The following RPH3AL variants were observed in gnomAD, a reference collection of about 807,000 sequenced individuals.
RPH3AL encodes rabphilin 3A like (without C2 domains).
In RPH3AL, 38 loss-of-function variants were observed where a neutral mutation model predicts 43.1. The ratio of observed to expected loss-of-function variants is 0.88; its 90% CI spans 0.68 to 1.15. The LOEUF is 1.15. Ranked by LOEUF, RPH3AL falls within the 50% of genes most tolerant of loss-of-function variation. The pLI is 0.00. For missense variants in RPH3AL, 462 were observed against 423.2 expected (o/e 1.09, Z -0.81); for synonymous variants, 189 against 176.3 (o/e 1.07, Z -0.57).
chr17:271,075 C>A (rs1378777846), intron 6 of RPH3AL, among the ~76,000 whole-genome samples: 1 of 152,138 alleles, frequency 6.6e-6, no homozygotes, highest in East Asian at 1.9e-4. Context: ...TGTCAAAGAT[C>A]AGATGGTTGT....
rs1016662646 is a variant in RPH3AL at position 328,230 on chromosome 17, G to A, written c.-36-651C>T. 4.0e-5 allele frequency among the ~76,000 whole-genome samples: 6 copies of A among 151,818 alleles called. No individual in the cohort carries two copies. In the East Asian group the frequency reaches 1.2e-3, roughly 29 times the overall value. ...GTGGCCCTGCTCCAGGACCCCCTGA[G>A]GGCTTCACCTGTGCACTGTCTAGTG... On this transcript the variant is annotated intron_variant, in intron 2 of 9. Coordinates refer to ENST00000331302, the MANE Select transcript of RPH3AL (RefSeq NM_006987.4). The surrounding 1 kb of genome is among the most constrained non-coding windows in gnomAD (Gnocchi z 4.2).
At chr17:315,638 A>T (rs76472648) in intron 5 of RPH3AL, among the ~76,000 whole-genome samples, 3 of 30,820 alleles carry the variant, frequency 9.7e-5, no homozygotes, top group South Asian at 1.4e-3. Flanking sequence ...ACCTCCACTG[A>T]CCTGTAGTCC....
intron 6 of RPH3AL, among the ~76,000 whole-genome samples, chr17:270,103 C>T (rs143855274): frequency 6.6e-6 from 1 of 152,182 alleles, no homozygotes; most frequent in South Asian, 2.1e-4. Context: ...TATGACCATC[C>T]GGGTCCCCCA....
At chr17:325,394 C>G (rs965706580) in intron 3 of RPH3AL, among the ~76,000 whole-genome samples, 4 of 152,176 alleles carry the variant, frequency 2.6e-5, no homozygotes, top group African/African-American at 9.7e-5. Flanking sequence ...CTCCATCTTC[C>G]TTCCACACTG....
chr17:235,453 G>C (rs1301927761), intron 7 of RPH3AL, among the ~76,000 whole-genome samples: 2 of 139,328 alleles, frequency 1.4e-5, no homozygotes, highest in African/African-American at 2.7e-5. Context: ...AGGGATGCAG[G>C]GTTCAAAGCT....
At chr17:325,252 T>C (rs1489000895) in intron 3 of RPH3AL, among the ~76,000 whole-genome samples, 1 of 152,132 alleles carries the variant, frequency 6.6e-6, no homozygotes, top group Non-Finnish European at 1.5e-5. Flanking sequence ...ACTCTCAGAG[T>C]TCCTGGAAGG....
intron 2 of RPH3AL, chr17:330,868 A>G (rs1195532184): frequency 1.4e-5 from 2 of 139,104 alleles, no homozygotes; most frequent in Non-Finnish European, 3.1e-5. Flanking sequence ...AGAGCGAGAC[A>G]TAATCTCAAA....
intron 7 of RPH3AL, among the ~76,000 whole-genome samples, chr17:224,879 G>C (rs1273045204): frequency 1.3e-5 from 2 of 149,764 alleles, no homozygotes; most frequent in African/African-American, 4.9e-5. Flanking sequence ...AAACCAAACA[G>C]TGCATGTTCT....
At chr17:301,927 G>C (rs1280690366) in intron 5 of RPH3AL, among the ~76,000 whole-genome samples, 1 of 152,164 alleles carries the variant, frequency 6.6e-6, no homozygotes, top group African/African-American at 2.4e-5. Flanking sequence ...CATCTCCTGG[G>C]GGCCATGAGG....
chr17:307,478 A>C lies in RPH3AL; in HGVS notation c.351+11942T>G, dbSNP rs867440529. On this transcript the variant is annotated intron_variant, in intron 5 of 9. Transcript: ENST00000331302. ...TGCCCCACGCTCATCCCTGCCTTCT[A>C]CTTCTACAGCACTCCTCACACTGCA... Among the ~76,000 whole-genome samples the C allele has an allele frequency of 7.2e-5, 11 of 152,040 alleles. 1 individual carries two copies. The highest frequency in any genetic ancestry group is 3.9e-4 in the Admixed American group (6 of 15,256).
intron 2 of RPH3AL, chr17:331,683 T>C (rs12953074): frequency 0.87 from 1,125,179 of 1,287,372 alleles, 492,910 homozygotes; most frequent in East Asian, 0.93. Context: ...GAGGGCCTCA[T>C]CAGCCGACCC....
chr17:315,355 C>A (rs2043954562), intron 5 of RPH3AL, among the ~76,000 whole-genome samples: 2 of 152,248 alleles, frequency 1.3e-5, no homozygotes, highest in African/African-American at 4.8e-5. Context: ...TGTGACTCCA[C>A]TTCCACTGAC....
chr17:244,026 C>T (rs1040665531), intron 7 of RPH3AL, among the ~76,000 whole-genome samples: 11 of 150,668 alleles, frequency 7.3e-5, no homozygotes, highest in African/African-American at 2.7e-4. Flanking sequence ...CTATTGATTA[C>T]CTTCCTCTAT....
In RPH3AL at chr17:215,889, C is replaced by T; in HGVS notation, c.728-87G>A. On this transcript the variant is annotated intron_variant, in intron 8 of 9. Transcript: ENST00000331302. This position sits in a 1 kb window ranked among gnomAD's most constrained non-coding sequence, Gnocchi z 4.1. ...GTTCCTCGTTTGGAACTCTAGATCT[C>T]TATGGGATGTCTGCCCCCCACCCCA... is the stretch of plus-strand genomic sequence containing the variant. 2 of 1,241,970 alleles carry T rather than the reference C, an allele frequency of 1.6e-6. No homozygotes were observed. Among genetic ancestry groups the T allele is most frequent in the Non-Finnish European group, 1.0e-6 (1 of 958,546 alleles). 76.9% of individuals were successfully genotyped at this position (1,241,970 alleles called of 1,614,324 possible).
chr17:305,451 T>G (rs571079949), intron 5 of RPH3AL, among the ~76,000 whole-genome samples: 1 of 151,976 alleles, frequency 6.6e-6, no homozygotes, highest in Non-Finnish European at 1.5e-5. Context: ...CACACCAACC[T>G]CCTAGCCCCT....
Position 346,982 on chromosome 17 carries a change from G to C in RPH3AL, c.-213+5730C>G, listed in dbSNP as rs976473011. ...CACTGTAAAATGGCCCAGCCGGCCAGGCGCGGTGGCTCACGCCTGTAATCC... is the reference window on the plus strand; with the variant it reads ...CACTGTAAAATGGCCCAGCCGGCCACGCGCGGTGGCTCACGCCTGTAATCC... On this transcript the variant is annotated intron_variant, in intron 1 of 9. Coordinates refer to ENST00000331302, the MANE Select transcript of RPH3AL (RefSeq NM_006987.4). Among the ~76,000 whole-genome samples, 4 of 135,940 alleles carry C rather than the reference G, an allele frequency of 2.9e-5. 1 individual carries two copies. The highest frequency in any genetic ancestry group is 1.0e-4 in the African/African-American group (4 of 39,626). 89.2% of individuals were successfully genotyped at this position (135,940 alleles called of 152,430 possible). A position where few individuals can be genotyped will look rare whatever the true frequency, so the allele number is the denominator to read the frequency against.
rs935828318 is a variant in RPH3AL at position 342,798 on chromosome 17, T to C, written c.-212-8864A>G. 2.6e-5 allele frequency among the ~76,000 whole-genome samples: 4 copies of C among 152,292 alleles called. No individual in the cohort carries two copies. In the South Asian group the frequency reaches 6.2e-4, roughly 24 times the overall value. On this transcript the variant is annotated intron_variant, in intron 1 of 9. Coordinates refer to ENST00000331302, the MANE Select transcript of RPH3AL (RefSeq NM_006987.4). ...TCCATGACATCCCCCATTACTCTGG[T>C]GAATGAAGACCATCTATCCCAAATT...
rs1406824314 is a variant in RPH3AL at position 319,903 on chromosome 17, GGGGGAGGGAGATTGA to G, written c.222-369_222-355del. Among the ~76,000 whole-genome samples the G allele has an allele frequency of 4.0e-3, 41 of 10,270 alleles. 3 individuals are homozygous for G. The highest frequency in any genetic ancestry group is 0.02 in the African/African-American group (18 of 898). The allele number at this position is 10,270 out of a possible 152,430, so 6.7% of individuals were successfully genotyped here. On this transcript the variant is annotated intron_variant, in intron 4 of 9. Coordinates refer to ENST00000331302, the MANE Select transcript of RPH3AL (RefSeq NM_006987.4). ...GAAATGGAAATAGTGGGGGGAGGGA[GGGGGAGGGAGATTGA>G]GGGGAGGGAGGGGGAGGGAGACTGA... is the stretch of plus-strand genomic sequence containing the variant.
chr17:304,243 T>C (rs1555566395), intron 5 of RPH3AL, among the ~76,000 whole-genome samples: 1 of 151,808 alleles, frequency 6.6e-6, no homozygotes, highest in Non-Finnish European at 1.5e-5. Context: ...TAAGAGTTTA[T>C]CACATACTTT....
Sources: allele counts gnomAD v4.1 joint callset (sites outside exome capture counted in the v4.1 genomes callset), GRCh38; gene constraint gnomAD v4.1.1; non-coding constraint Gnocchi (gnomAD v3.1); transcripts MANE v1.5; gene names NCBI Gene and HGNC (gene_info 2026-07-23, HGNC 2026-07-21).